Variants in RAP1A observed in about 807,000 individuals in gnomAD.
RAP1A encodes the protein RAP1A, member of RAS oncogene family, also known as ras-related protein Rap-1A.
In RAP1A, 6 loss-of-function variants were observed where a neutral mutation model predicts 26.4. That is an observed-to-expected ratio of 0.23 (90% CI 0.12 to 0.45). RAP1A has a LOEUF of 0.45. Ranked by LOEUF, RAP1A falls within the 20% of genes least tolerant of loss-of-function variation. The pLI, the probability that RAP1A is intolerant of heterozygous loss-of-function variation, is 0.99. For missense variants in RAP1A, 121 were observed against 217.2 expected (o/e 0.56, Z 2.78); for synonymous variants, 73 against 79.4 (o/e 0.92, Z 0.43).
chr1:111,616,879 A>G (rs1557866355), upstream of RAP1A, among the ~76,000 whole-genome samples: 2 of 152,102 alleles, frequency 1.3e-5, no homozygotes, highest in African/African-American at 4.8e-5. Context: ...CAAGGAGATT[A>G]TTTCTCACCT....
At chr1:111,666,815 G>GA (rs1337093091) in intron 1 of RAP1A, among the ~76,000 whole-genome samples, 1 of 152,202 alleles carries the variant, frequency 6.6e-6, no homozygotes, top group East Asian at 1.9e-4. Flanking sequence ...ACTAAGTGGA[G>GA]AAGGAAGAAG....
intron 1 of RAP1A, among the ~76,000 whole-genome samples, chr1:111,569,467 A>G (rs1657998873): frequency 6.6e-6 from 1 of 151,244 alleles, no homozygotes; most frequent in Non-Finnish European, 1.5e-5. Flanking sequence ...TAACCCCTTC[A>G]TTATTCAGGG....
At chr1:111,631,537 G>A (rs556573411) in intron 1 of RAP1A, among the ~76,000 whole-genome samples, 1 of 152,282 alleles carries the variant, frequency 6.6e-6, no homozygotes, top group Admixed American at 6.5e-5. Flanking sequence ...TGTAATTTGT[G>A]AAAATTTACA....
In RAP1A at chr1:111,619,884, A is replaced by AGGAGGAGGTGGAGGAGGTGGAGGAGGT; in HGVS notation, c.-69_-43dup. ...ACGGCCGAGAGGAGGGAGGAGGAGGAGGAGGAGGTGGAGGAGGTGGAGGAG... is the reference window on the plus strand; with the variant it reads ...ACGGCCGAGAGGAGGGAGGAGGAGGAGGAGGAGGTGGAGGAGGTGGAGGAGGTGGAGGAGGTGGAGGAGGTGGAGGAG... On this transcript the variant is annotated 5_prime_UTR_variant, in exon 1 of 8. Coordinates refer to ENST00000369709, the MANE Select transcript of RAP1A (RefSeq NM_002884.4). The AGGAGGAGGTGGAGGAGGTGGAGGAGGT allele has an allele frequency of 4.1e-6, 1 of 243,872 alleles. No homozygotes were observed. Among genetic ancestry groups the AGGAGGAGGTGGAGGAGGTGGAGGAGGT allele is most frequent in the Non-Finnish European group, 7.7e-6 (1 of 130,534 alleles). 15.1% of individuals were successfully genotyped at this position (243,872 alleles called of 1,614,324 possible).
intron 4 of RAP1A, among the ~76,000 whole-genome samples, chr1:111,702,103 A>AT (rs1484944069): frequency 1.3e-5 from 2 of 152,190 alleles, no homozygotes; most frequent in East Asian, 3.8e-4. Flanking sequence ...AACCAGAACT[A>AT]TTTTAGATGT....
chr1:111,673,377 T>C (rs189719626), intron 1 of RAP1A, among the ~76,000 whole-genome samples: 142 of 152,368 alleles, frequency 9.3e-4, no homozygotes, highest in Non-Finnish European at 1.7e-3. Flanking sequence ...ATGAATTTTG[T>C]TTTATAAGTT....
At chr1:111,708,387 A>G (rs1177854244) in intron 6 of RAP1A, among the ~76,000 whole-genome samples, 2 of 152,238 alleles carry the variant, frequency 1.3e-5, no homozygotes, top group African/African-American at 4.8e-5. Flanking sequence ...TAATCACGAG[A>G]AAACCTCAGA....
chr1:111,695,198 A>C, intron 2 of RAP1A, 143 bp from the exon 3 acceptor site: 1 of 386,838 alleles, frequency 2.6e-6, no homozygotes, highest in Non-Finnish European at 4.1e-6. Context: ...CTTATATTGA[A>C]AGAATTAATA....
At chr1:111,565,355 T>C (rs1022223548) in intron 1 of RAP1A, among the ~76,000 whole-genome samples, 3 of 152,196 alleles carry the variant, frequency 2.0e-5, no homozygotes, top group Non-Finnish European at 2.9e-5. Context: ...TAGGCCAGAA[T>C]TGTTGGGTGC....
intron 1 of RAP1A, among the ~76,000 whole-genome samples, chr1:111,656,401 C>T (rs1230480092): frequency 6.6e-6 from 1 of 152,098 alleles, no homozygotes; most frequent in Non-Finnish European, 1.5e-5. Flanking sequence ...TAAGGCAAAA[C>T]CCTTTTTGAA....
At position 111,703,359 on chromosome 1, in the gene RAP1A, T is replaced by G; in HGVS notation, c.207T>G (p.Asp69Glu). The G allele has an allele frequency of 6.3e-7, 1 of 1,581,756 alleles. No homozygotes were observed. The highest frequency in any genetic ancestry group is 8.6e-7 in the Non-Finnish European group (1 of 1,161,486). ...AGTEQFTAMR[D>E]LYMKNGQGFA... ...AGGAGCAATTTACAGCAATGAGGGA[T>G]TTGTATATGAAGAACGGCCAAGGTT... The change falls in exon 5 of 8, where the codon GAT becomes GAG. Residue 69 changes from aspartate (D) to glutamate (E), a missense_variant. By Grantham distance (45) the Asp-to-Glu change is conservative. Transcript: ENST00000369709.
At chr1:111,681,169 C>T (rs1374454351) in intron 1 of RAP1A, among the ~76,000 whole-genome samples, 1 of 152,132 alleles carries the variant, frequency 6.6e-6, no homozygotes, top group South Asian at 2.1e-4. Flanking sequence ...ATCACTTGAA[C>T]TCAAGGAGGC....
intron 1 of RAP1A, among the ~76,000 whole-genome samples, chr1:111,607,035 ATTTT>A (rs936302188): frequency 8.1e-5 from 12 of 147,504 alleles, no homozygotes; most frequent in African/African-American, 2.4e-4. Flanking sequence ...TTATTTATTT[ATTTT>A]TATTGATTAT....
intron 1 of RAP1A, among the ~76,000 whole-genome samples, chr1:111,665,451 A>G (rs552918161): frequency 3.3e-5 from 5 of 152,204 alleles, no homozygotes; most frequent in Non-Finnish European, 7.4e-5. Context: ...GACCAAATGT[A>G]TCTTTTAAGG....
intron 1 of RAP1A, among the ~76,000 whole-genome samples, chr1:111,573,598 G>C (rs1039366017): frequency 6.6e-6 from 1 of 152,126 alleles, no homozygotes; most frequent in African/African-American, 2.4e-5. Context: ...GCCTCCCAAA[G>C]TGCTGGGATT....
chr1:111,648,386 C>T, intron 1 of RAP1A: 2 of 624,684 alleles, frequency 3.2e-6, no homozygotes, highest in East Asian at 3.3e-5. Flanking sequence ...GGAGTTGCTG[C>T]TGTCCAGGGC....
intron 1 of RAP1A, among the ~76,000 whole-genome samples, chr1:111,670,649 T>C (rs1571547396): frequency 6.6e-6 from 1 of 152,134 alleles, no homozygotes; most frequent in African/African-American, 2.4e-5. Context: ...AGTTGGTTGT[T>C]TGAAAAAGAC....
At position 111,639,365 on chromosome 1, in the gene RAP1A, G is replaced by A. The variant is rs146791157; in HGVS notation, c.-28+19431G>A. ...AGTCTGGTGTTTTGGCTGGATTTAT[G>A]TAGGTTTCTTTATGAGAAAACAGTA... On this transcript the variant is annotated intron_variant, in intron 1 of 7. Transcript: ENST00000369709. 1.8e-4 allele frequency among the ~76,000 whole-genome samples: 26 copies of A among 145,068 alleles called. No homozygotes were observed. The Middle Eastern group carries it at 0.01, about 59-fold the overall frequency.
intron 1 of RAP1A, among the ~76,000 whole-genome samples, chr1:111,573,483 C>A (rs34179386): frequency 6.6e-6 from 1 of 151,976 alleles, no homozygotes. Flanking sequence ...TACAGGGATG[C>A]GCCACAATGC....
Sources: allele counts gnomAD v4.1 joint callset (sites outside exome capture counted in the v4.1 genomes callset), GRCh38; gene constraint gnomAD v4.1.1; transcripts MANE v1.5; gene names NCBI Gene and HGNC (gene_info 2026-07-23, HGNC 2026-07-21).